Variants in STOM observed in about 807,000 individuals in gnomAD.
STOM encodes the protein erythrocyte band 7 integral membrane protein.
Under a neutral mutation model 30.6 loss-of-function variants are expected in STOM, and 25 were observed. That is an observed-to-expected ratio of 0.82 (90% CI 0.60 to 1.14). STOM has a LOEUF of 1.14. Ranked by LOEUF, STOM falls within the 50% of genes most tolerant of loss-of-function variation. The pLI is 0.00. For synonymous variants in STOM, 118 were observed against 130.8 expected (o/e 0.90, Z 0.67); for missense variants, 292 against 365.2 (o/e 0.80, Z 1.63).
intron 1 of STOM, among the ~76,000 whole-genome samples, chr9:121,360,676 G>A (rs529678277): frequency 2.0e-5 from 3 of 152,286 alleles, no homozygotes; most frequent in African/African-American, 7.2e-5. Flanking sequence ...TTTGCCATTT[G>A]CTTCATACCT....
intron 3 of STOM, among the ~76,000 whole-genome samples, chr9:121,353,669 G>A (rs530490948): frequency 2.3e-4 from 35 of 151,866 alleles, no homozygotes; most frequent in Non-Finnish European, 1.0e-4. Context: ...CCTCCCCCAC[G>A]CATGGTCCTG....
At chr9:121,363,312 T>C (rs527831729) in intron 1 of STOM, among the ~76,000 whole-genome samples, 2 of 152,200 alleles carry the variant, frequency 1.3e-5, no homozygotes, top group Non-Finnish European at 2.9e-5. Flanking sequence ...CAGCACTTTT[T>C]AGGGGTAACA....
chr9:121,370,048 C>G, intron 1 of STOM, 79 bp downstream of exon 1: 1 of 1,359,142 alleles, frequency 7.4e-7, no homozygotes, highest in Non-Finnish European at 1.0e-6. Flanking sequence ...TGGCCAGGAG[C>G]CCGGCTGTCA....
chr9:121,367,247 A>G (rs1054577062), intron 1 of STOM, among the ~76,000 whole-genome samples: 2 of 152,182 alleles, frequency 1.3e-5, no homozygotes, highest in African/African-American at 4.8e-5. Flanking sequence ...TTGCTTTTCC[A>G]TGCCTTCTTA....
Position 121,356,167 on chromosome 9 carries a change from C to CA in STOM, c.62-12dup, listed in dbSNP as rs1564630888. On this transcript the variant is annotated splice_polypyrimidine_tract_variant and intron_variant, in intron 1 of 6. Transcript: ENST00000286713. ...CCTTACTGGGGCTGTCTGTTGAAAA[C>CA]AAAAAATATACAACTCTCACAACTG... 1 of 1,606,748 alleles carries CA rather than the reference C, an allele frequency of 6.2e-7. No homozygotes were observed. The highest frequency in any genetic ancestry group is 1.1e-5 in the South Asian group (1 of 90,248).
chr9:121,351,041 T>C (rs2064334453), intron 4 of STOM, among the ~76,000 whole-genome samples: 1 of 152,200 alleles, frequency 6.6e-6, no homozygotes, highest in Non-Finnish European at 1.5e-5. Flanking sequence ...GCCTACTGTT[T>C]ATCATCGGCA....
At position 121,341,127 on chromosome 9, in the gene STOM, C is replaced by T. The variant is rs1429047052; in HGVS notation, c.*75G>A. 3.7e-6 allele frequency: 6 copies of T among 1,601,614 alleles called. No individual in the cohort carries two copies. In the African/African-American group the frequency reaches 8.1e-5, roughly 21 times the overall value. Reference sequence around the variant, plus strand: ...ATTGACATATGGAAAAAGAAAAGCCCTACCCTCTCTTTATGAGTTAAAGGC... The same window carrying T: ...ATTGACATATGGAAAAAGAAAAGCCTTACCCTCTCTTTATGAGTTAAAGGC... On this transcript the variant is annotated 3_prime_UTR_variant, in exon 7 of 7. Transcript: ENST00000286713.
intron 1 of STOM, among the ~76,000 whole-genome samples, chr9:121,357,424 G>GATATCTATATATATATATATAT (rs1554831050): frequency 1.0e-5 from 1 of 95,420 alleles, no homozygotes; most frequent in Non-Finnish European, 2.3e-5. Context: ...ATTTTTAAAT[G>GATATCTATATATATATATATAT]ATATATATAT....
At chr9:121,363,737 C>T (rs2064476755) in intron 1 of STOM, among the ~76,000 whole-genome samples, 1 of 152,194 alleles carries the variant, frequency 6.6e-6, no homozygotes, top group Non-Finnish European at 1.5e-5. Context: ...GGCTGTTACA[C>T]GCTGTTCCTG....
At chr9:121,356,627 G>C (rs2064393243) in intron 1 of STOM, among the ~76,000 whole-genome samples, 1 of 152,146 alleles carries the variant, frequency 6.6e-6, no homozygotes, top group East Asian at 1.9e-4. Context: ...GGGGCGGGGA[G>C]GTGATTCAGG....
intron 1 of STOM, among the ~76,000 whole-genome samples, chr9:121,362,592 T>A (rs2064464017): frequency 6.6e-6 from 1 of 152,230 alleles, no homozygotes; most frequent in Non-Finnish European, 1.5e-5. Context: ...ATACAACTCT[T>A]AAAATTCTCT....
At position 121,348,016 on chromosome 9, in the gene STOM, T is replaced by C. The variant is rs748925992; in HGVS notation, c.659A>G (p.Lys220Arg). 1 of 1,604,588 alleles carries C rather than the reference T, an allele frequency of 6.2e-7. No individual in the cohort carries two copies. The highest frequency in any genetic ancestry group is 8.5e-7 in the Non-Finnish European group (1 of 1,176,242). Residue 220 changes from lysine (K) to arginine (R), a missense_variant and splice_region_variant, in exon 6 of 7, where the codon AAG becomes AGG. Transcript: ENST00000286713. Reference sequence around the variant, plus strand: ...AAACAAGTTTAAAAAAAAAGTTACCTTGGCGCGGGCCTCGCGGGACGCTTC... The same window carrying C: ...AAACAAGTTTAAAAAAAAAGTTACCCTGGCGCGGGCCTCGCGGGACGCTTC... ...EAEASREARAKVIAAEGEMNA... is the reference protein window; with the variant it reads ...EAEASREARARVIAAEGEMNA...
chr9:121,361,380 C>CTTT (rs5900482), intron 1 of STOM, among the ~76,000 whole-genome samples: 7 of 41,102 alleles, frequency 1.7e-4, no homozygotes, highest in African/African-American at 6.0e-4. Flanking sequence ...CACTTGTGGA[C>CTTT]TTTTTTTTTT....
In STOM at chr9:121,340,960, A is replaced by G; in HGVS notation, c.*242T>C. The G allele has an allele frequency of 1.5e-6, 2 of 1,336,216 alleles. No individual in the cohort carries two copies. Among genetic ancestry groups the G allele is most frequent in the Non-Finnish European group, 1.9e-6 (2 of 1,039,284 alleles). The allele number at this position is 1,336,216 out of a possible 1,614,324, so 82.8% of individuals were successfully genotyped here. A position where few individuals can be genotyped will look rare whatever the true frequency, so the allele number is the denominator to read the frequency against. On this transcript the variant is annotated 3_prime_UTR_variant, in exon 7 of 7. Transcript: ENST00000286713. Reference sequence around the variant, plus strand: ...CAAAACAAGAGGGATCTAACCTACTACATAATAATCTAAAAATACAAACTT... The same window carrying G: ...CAAAACAAGAGGGATCTAACCTACTGCATAATAATCTAAAAATACAAACTT...
At chr9:121,368,287 T>C (rs536866120) in intron 1 of STOM, among the ~76,000 whole-genome samples, 2 of 152,312 alleles carry the variant, frequency 1.3e-5, no homozygotes, top group South Asian at 4.1e-4. Flanking sequence ...AGTTAAAAAC[T>C]CATCTATGAC....
chr9:121,348,247 G>A, intron 5 of STOM, 98 bp from the exon 6 acceptor site: 1 of 1,517,916 alleles, frequency 6.6e-7, no homozygotes, highest in Non-Finnish European at 9.0e-7. Flanking sequence ...AAGGTGCTGG[G>A]GAGAGTTGTG....
chr9:121,342,278 G>C (rs2064252898), intron 6 of STOM, among the ~76,000 whole-genome samples: 1 of 151,796 alleles, frequency 6.6e-6, no homozygotes, highest in African/African-American at 2.4e-5. Flanking sequence ...GCTGAGACAG[G>C]AGAATTGCTC....
At chr9:121,360,387 T>C (rs2064439187) in intron 1 of STOM, among the ~76,000 whole-genome samples, 1 of 152,222 alleles carries the variant, frequency 6.6e-6, no homozygotes, top group African/African-American at 2.4e-5. Context: ...TATCCCTTAT[T>C]ACACTGAGAT....
chr9:121,356,211 C>G (rs1351135025), intron 1 of STOM, 55 bp from the exon 2 acceptor site: 1 of 1,426,828 alleles, frequency 7.0e-7, no homozygotes, highest in African/African-American at 1.4e-5. Flanking sequence ...ATAATCACCA[C>G]CATCTTCATC....
Sources: gnomAD v4.1 joint callset for allele counts (sites outside exome capture counted in the v4.1 genomes callset) on GRCh38, gnomAD v4.1.1 for gene constraint, MANE v1.5 for transcripts, NCBI Gene and HGNC (gene_info 2026-07-23, HGNC 2026-07-21) for gene names.